Variants in NLK observed in about 807,000 individuals in gnomAD.
NLK encodes nemo like kinase, also known as serine/threonine-protein kinase NLK.
A neutral mutation model predicts 59.0 loss-of-function variants in NLK; 11 were observed. That is an observed-to-expected ratio of 0.19 (90% CI 0.12 to 0.31). NLK has a LOEUF of 0.31. Ranked by LOEUF, NLK falls within the 10% of genes least tolerant of loss-of-function variation. The pLI is 1.00. For synonymous variants in NLK, 235 were observed against 235.9 expected (o/e 1.00, Z 0.03); for missense variants, 410 against 661.1 (o/e 0.62, Z 4.16).
At chr17:28,172,096 ATAAT>A (rs1036106064) in intron 6 of NLK, among the ~76,000 whole-genome samples, 1 of 151,300 alleles carries the variant, frequency 6.6e-6, no homozygotes, top group Non-Finnish European at 1.5e-5. Context: ...GAACTTTTAA[ATAAT>A]AAATAGGAAT....
At chr17:28,045,729 T>C (rs1909025918) in intron 1 of NLK, among the ~76,000 whole-genome samples, 1 of 152,224 alleles carries the variant, frequency 6.6e-6, no homozygotes, top group South Asian at 2.1e-4. Flanking sequence ...TAAGACTGTT[T>C]AGAGATTTGA....
At chr17:28,185,154 A>G (rs779550617) in intron 7 of NLK, 25 bp from the exon 8 acceptor site, 2 of 1,409,204 alleles carry the variant, frequency 1.4e-6, no homozygotes, top group Non-Finnish European at 1.9e-6. Context: ...TCACTTAAAT[A>G]TTTGAATTTT....
chr17:28,184,021 G>A (rs1050003063), intron 7 of NLK, among the ~76,000 whole-genome samples: 2 of 152,220 alleles, frequency 1.3e-5, no homozygotes, highest in African/African-American at 4.8e-5. Flanking sequence ...TTCTAGCAGT[G>A]AAATGGAAGC....
At chr17:28,177,437 G>A (rs991549445) in intron 7 of NLK, among the ~76,000 whole-genome samples, 3 of 152,108 alleles carry the variant, frequency 2.0e-5, no homozygotes, top group Non-Finnish European at 1.5e-5. Context: ...TGGCTTAAGC[G>A]AAAAAGGGAA....
At chr17:28,053,061 C>T (rs1909314504) in intron 1 of NLK, among the ~76,000 whole-genome samples, 1 of 151,274 alleles carries the variant, frequency 6.6e-6, no homozygotes. Context: ...CAGGCCTGAG[C>T]CACCGCACCT....
At chr17:28,102,732 T>G (rs1330409152) in intron 1 of NLK, among the ~76,000 whole-genome samples, 1 of 152,050 alleles carries the variant, frequency 6.6e-6, no homozygotes, top group Admixed American at 6.6e-5. Context: ...AGGGATGTGA[T>G]GAGGTTGCAA....
chr17:28,140,828 C>T (rs1431527588), intron 3 of NLK, among the ~76,000 whole-genome samples: 1 of 151,888 alleles, frequency 6.6e-6, no homozygotes, highest in Non-Finnish European at 1.5e-5. Context: ...GAAGACTTAC[C>T]TGCAACTTAA....
chr17:28,197,006 C>T (rs906826712), downstream of NLK, among the ~76,000 whole-genome samples: 1 of 152,080 alleles, frequency 6.6e-6, no homozygotes, highest in Non-Finnish European at 1.5e-5. Context: ...TATTCTAACT[C>T]ATGTAAATTA....
chr17:28,046,352 A>G (rs537348374), intron 1 of NLK, among the ~76,000 whole-genome samples: 2 of 152,236 alleles, frequency 1.3e-5, no homozygotes, highest in South Asian at 4.1e-4. Flanking sequence ...AGGTTTCATT[A>G]ACAACTGTCT....
chr17:28,071,072 A>G (rs891785397), intron 1 of NLK, among the ~76,000 whole-genome samples: 3 of 152,212 alleles, frequency 2.0e-5, no homozygotes, highest in Admixed American at 1.3e-4. Flanking sequence ...GATGTTCAGC[A>G]TCATCCCTTG....
chr17:28,099,595 G>A (rs184230337), intron 1 of NLK, among the ~76,000 whole-genome samples: 4 of 124,090 alleles, frequency 3.2e-5, no homozygotes, highest in Non-Finnish European at 4.7e-5. Flanking sequence ...TTTTTGAGAC[G>A]GAGTCTTGCT....
chr17:28,152,698 A>G (rs1179545903), intron 3 of NLK, among the ~76,000 whole-genome samples: 1 of 151,908 alleles, frequency 6.6e-6, no homozygotes, highest in Non-Finnish European at 1.5e-5. Context: ...ATCATGGCTC[A>G]CCACAGCCTC....
chr17:28,123,788 G>A (rs35165723), intron 2 of NLK, among the ~76,000 whole-genome samples: 2,376 of 152,252 alleles, frequency 0.016, 29 homozygotes, highest in Non-Finnish European at 0.026. Flanking sequence ...TTAATCCTGA[G>A]TTAAAAATTT....
chr17:28,082,186 A>G (rs1910370770), intron 1 of NLK, among the ~76,000 whole-genome samples: 1 of 152,220 alleles, frequency 6.6e-6, no homozygotes, highest in African/African-American at 2.4e-5. Context: ...TACAGGCATG[A>G]GCCACTGCGC....
intron 3 of NLK, among the ~76,000 whole-genome samples, chr17:28,142,476 A>T (rs556594110): frequency 6.6e-6 from 1 of 152,310 alleles, no homozygotes; most frequent in East Asian, 1.9e-4. Context: ...AAAGGCTCCC[A>T]TGCTTTTTGT....
At chr17:28,051,184 G>C (rs537668712) in intron 1 of NLK, among the ~76,000 whole-genome samples, 1 of 152,116 alleles carries the variant, frequency 6.6e-6, no homozygotes, top group South Asian at 2.1e-4. Flanking sequence ...TTGAGAGAGT[G>C]ATTGTGTTTG....
At chr17:28,099,691 G>T (rs1347822280) in intron 1 of NLK, among the ~76,000 whole-genome samples, 2 of 147,870 alleles carry the variant, frequency 1.4e-5, no homozygotes, top group African/African-American at 5.0e-5. Context: ...CCATTCTCCT[G>T]CCTCAGCCTC....
intron 4 of NLK, among the ~76,000 whole-genome samples, chr17:28,162,547 G>T (rs1374432105): frequency 6.6e-6 from 1 of 152,122 alleles, no homozygotes; most frequent in Non-Finnish European, 1.5e-5. Flanking sequence ...TGAGGCAGGA[G>T]AATCGAGTGA....
chr17:28,168,594 A>T lies in NLK; in HGVS notation c.984A>T (p.Gly328=). The T allele has an allele frequency of 6.2e-7, 1 of 1,613,890 alleles. No homozygotes were observed. The highest frequency in any genetic ancestry group is 2.2e-5 in the East Asian group (1 of 44,882). The part of the protein sequence containing the change: ...YSNAIDIWSV[G]CIFAELLGRR... ...ATGCTATTGACATCTGGTCTGTGGG[A>T]TGTATCTTTGCAGAACTACTAGGAC... Residue 328 remains glycine, a synonymous_variant, in exon 6 of 11, where the codon GGA becomes GGT. Coordinates refer to ENST00000407008, the MANE Select transcript of NLK (RefSeq NM_016231.5).
Sources: allele counts gnomAD v4.1 joint callset (sites outside exome capture counted in the v4.1 genomes callset), GRCh38; gene constraint gnomAD v4.1.1; transcripts MANE v1.5; gene names NCBI Gene and HGNC (gene_info 2026-07-23, HGNC 2026-07-21).